The following CEP112 variants were observed in gnomAD, a reference collection of about 807,000 sequenced individuals.
The protein encoded by CEP112 is centrosomal protein of 112 kDa.
Under a neutral mutation model 153.0 loss-of-function variants are expected in CEP112, and 127 were observed. That is an observed-to-expected ratio of 0.83 (90% CI 0.72 to 0.96). The LOEUF is 0.96. Among genes scored for constraint, CEP112 ranks in the 40% least tolerant of loss-of-function variants. CEP112 has a pLI of 0.00. For synonymous variants in CEP112, 358 were observed against 374.4 expected, an observed-to-expected ratio of 0.96 and a Z score of 0.51; for missense variants, 1,089 against 1,101.2, an observed-to-expected ratio of 0.99 and a Z score of 0.16.
intron 4 of CEP112, among the ~76,000 whole-genome samples, chr17:66,153,976 A>C (rs1157394573): frequency 1.4e-5 from 2 of 145,048 alleles, no homozygotes; most frequent in Non-Finnish European, 3.0e-5. Context: ...CAGCCTGACC[A>C]ACAGAATGAA....
At chr17:66,038,516 T>A (rs1246688306) in intron 12 of CEP112, among the ~76,000 whole-genome samples, 1 of 152,048 alleles carries the variant, frequency 6.6e-6, no homozygotes, top group African/African-American at 2.4e-5. Context: ...TTAAACGGAA[T>A]AAAAGAGCTG....
At chr17:65,644,087 C>T (rs2045301499) in intron 24 of CEP112, among the ~76,000 whole-genome samples, 1 of 152,164 alleles carries the variant, frequency 6.6e-6, no homozygotes, top group African/African-American at 2.4e-5. Context: ...CCTTGAGCCA[C>T]AGCACCATGA....
chr17:66,031,489 T>TG (rs1383003918), intron 12 of CEP112, among the ~76,000 whole-genome samples: 6 of 149,198 alleles, frequency 4.0e-5, no homozygotes, highest in Non-Finnish European at 7.4e-5. Context: ...TTTTTTTGTT[T>TG]TTTTTTTTTT....
chr17:65,759,263 G>A (rs557145310), intron 21 of CEP112, among the ~76,000 whole-genome samples: 1 of 152,246 alleles, frequency 6.6e-6, no homozygotes, highest in Non-Finnish European at 1.5e-5. Flanking sequence ...AGCAACCCTA[G>A]GGGCTGCTCT....
chr17:66,066,921 C>T (rs551204921), intron 9 of CEP112, 44 bp from the exon 10 acceptor site: 2 of 1,215,260 alleles, frequency 1.6e-6, no homozygotes, highest in East Asian at 5.6e-5. Context: ...TACTACTTTA[C>T]ATATAGGACA....
At chr17:65,819,961 C>T (rs1460832906) in intron 21 of CEP112, among the ~76,000 whole-genome samples, 1 of 151,918 alleles carries the variant, frequency 6.6e-6, no homozygotes. Context: ...ATAGATTGTG[C>T]CACTGTTAAT....
At chr17:65,986,634 G>A (rs1034452260) in intron 17 of CEP112, among the ~76,000 whole-genome samples, 8 of 152,064 alleles carry the variant, frequency 5.3e-5, no homozygotes, top group Non-Finnish European at 1.0e-4. Context: ...CAAAAAGAGG[G>A]AAAACAATCT....
rs2057465920 is a variant in CEP112 at position 65,840,206 on chromosome 17, G to C, written c.2394+11598C>G. Reference sequence around the variant, plus strand: ...CCACAGAAGACCCCAAATAGCCAAAGTGATCTTGTGCAAAAGTTATAAAGC... The same window carrying C: ...CCACAGAAGACCCCAAATAGCCAAACTGATCTTGTGCAAAAGTTATAAAGC... On this transcript the variant is annotated intron_variant, in intron 21 of 26. Transcript: ENST00000535342. Among the ~76,000 whole-genome samples, 4 of 152,060 alleles carry C rather than the reference G, an allele frequency of 2.6e-5. No individual in the cohort carries two copies. The South Asian group carries it at 8.3e-4, about 32-fold the overall frequency.
chr17:65,956,241 C>G (rs2061996707), intron 18 of CEP112, among the ~76,000 whole-genome samples: 1 of 152,022 alleles, frequency 6.6e-6, no homozygotes, highest in African/African-American at 2.4e-5. Context: ...TTCAGCAATC[C>G]CACTTCTAGG....
intron 21 of CEP112, among the ~76,000 whole-genome samples, chr17:65,782,163 A>G (rs1367914880): frequency 6.6e-6 from 1 of 152,052 alleles, no homozygotes; most frequent in East Asian, 1.9e-4. Context: ...ACAAAAAACA[A>G]CCTCATAAAA....
chr17:65,740,589 C>T (rs774477932), intron 23 of CEP112, among the ~76,000 whole-genome samples: 1 of 152,298 alleles, frequency 6.6e-6, no homozygotes, highest in South Asian at 2.1e-4. Flanking sequence ...TAAGCTCTGA[C>T]AGAATGAGTA....
chr17:66,185,634 G>A (rs1240069981), intron 1 of CEP112, among the ~76,000 whole-genome samples: 1 of 152,166 alleles, frequency 6.6e-6, no homozygotes, highest in East Asian at 1.9e-4. Context: ...AAAATCAAAA[G>A]TGTAGGTTTT....
intron 12 of CEP112, among the ~76,000 whole-genome samples, chr17:66,052,686 T>C (rs898723357): frequency 2.6e-5 from 4 of 152,168 alleles, no homozygotes; most frequent in Admixed American, 2.0e-4. Context: ...ATATGATCTA[T>C]TAAGAACACT....
chr17:66,027,387 C>T, intron 16 of CEP112, 114 bp downstream of exon 16: 1 of 997,530 alleles, frequency 1.0e-6, no homozygotes, highest in Non-Finnish European at 1.3e-6. Flanking sequence ...AAAAAAAAGA[C>T]AAAGAAACAA....
intron 23 of CEP112, among the ~76,000 whole-genome samples, chr17:65,731,136 T>G (rs1454900927): frequency 6.6e-6 from 1 of 152,138 alleles, no homozygotes; most frequent in Non-Finnish European, 1.5e-5. Context: ...TTTAGATAAC[T>G]TGGCTTTGGC....
chr17:65,829,545 TC>T, intron 21 of CEP112, among the ~76,000 whole-genome samples: 1 of 152,286 alleles, frequency 6.6e-6, no homozygotes, highest in East Asian at 1.9e-4. Flanking sequence ...TCCCTGAGTC[TC>T]TTAATAAAGA....
chr17:66,150,625 G>A (rs35155373), intron 4 of CEP112, among the ~76,000 whole-genome samples: 20,331 of 152,134 alleles, frequency 0.13, 1,797 homozygotes, highest in Non-Finnish European at 0.2. Context: ...TCTATCCGGC[G>A]TATTGAAGTT....
intron 17 of CEP112, among the ~76,000 whole-genome samples, chr17:65,971,600 T>C (rs1568320646): frequency 1.9e-5 from 1 of 54,042 alleles, no homozygotes; most frequent in African/African-American, 4.7e-5. Flanking sequence ...TGCATGCATA[T>C]TGTGTGCATA....
intron 24 of CEP112, among the ~76,000 whole-genome samples, chr17:65,652,042 T>C (rs1598201926): frequency 2.0e-5 from 3 of 152,210 alleles, no homozygotes; most frequent in Admixed American, 2.0e-4. Flanking sequence ...GTTATACAAA[T>C]GGCAAAAAAT....
Sources: allele counts gnomAD v4.1 joint callset (sites outside exome capture counted in the v4.1 genomes callset), GRCh38; gene constraint gnomAD v4.1.1; transcripts MANE v1.5; gene names NCBI Gene and HGNC (gene_info 2026-07-23, HGNC 2026-07-21).